TTC23: variants seen among roughly 807,000 people sequenced by gnomAD.
The protein encoded by TTC23 is tetratricopeptide repeat domain 23.
A neutral mutation model predicts 55.1 loss-of-function variants in TTC23; 58 were observed. The ratio of observed to expected loss-of-function variants is 1.05; its 90% CI spans 0.85 to 1.31. The LOEUF (loss-of-function observed/expected upper bound fraction) is 1.31, where lower values mean the gene tolerates loss of function less well. TTC23 is among the 50% of genes most tolerant of loss of function. TTC23 has a pLI of 0.00. For synonymous variants in TTC23, 203 were observed against 199.9 expected (o/e 1.02, Z -0.13); for missense variants, 516 against 534.4 (o/e 0.97, Z 0.34).
At chr15:99,201,562 A>G (rs2076202252) in intron 8 of TTC23, among the ~76,000 whole-genome samples, 1 of 152,308 alleles carries the variant, frequency 6.6e-6, no homozygotes, top group South Asian at 2.1e-4. Flanking sequence ...AAGTAAAGAT[A>G]CTTTTCGGAT....
rs114455079 is a variant in TTC23, at chr15:99,172,008, T to C, written c.865+3042A>G. ...AAGTTGTCTTCTTACCCATCTACTTTATGTTTCTCACATTTTTTTTTTTTT... is the reference window on the plus strand; with the variant it reads ...AAGTTGTCTTCTTACCCATCTACTTCATGTTTCTCACATTTTTTTTTTTTT... On this transcript the variant is annotated intron_variant, in intron 10 of 13. Coordinates refer to ENST00000394132, the MANE Select transcript of TTC23 (RefSeq NM_001288615.3). Among the ~76,000 whole-genome samples the C allele has an allele frequency of 9.7e-3, 1,477 of 152,038 alleles. 26 individuals carry two copies. Among genetic ancestry groups the C allele is most frequent in the African/African-American group, 0.035 (1,429 of 41,400 alleles).
At chr15:99,170,730 G>A (rs1434618687) in intron 10 of TTC23, among the ~76,000 whole-genome samples, 1 of 152,248 alleles carries the variant, frequency 6.6e-6, no homozygotes, top group Admixed American at 6.5e-5. Flanking sequence ...CATTCCTGCT[G>A]TGGGGGCATT....
chr15:99,250,198 G>A (rs2152112539), upstream of TTC23, among the ~76,000 whole-genome samples: 1 of 152,202 alleles, frequency 6.6e-6, no homozygotes, highest in South Asian at 2.1e-4. Context: ...AAAAATTTCT[G>A]AGTGCCACGA....
In TTC23 at chr15:99,199,963, G is replaced by T. The variant is rs752491185; in HGVS notation, c.715C>A (p.Gln239Lys). The T allele has an allele frequency of 5.6e-6, 9 of 1,613,822 alleles. No individual in the cohort carries two copies. The highest frequency in any genetic ancestry group is 6.8e-6 in the Non-Finnish European group (8 of 1,179,888). The change falls in exon 9 of 14, where the codon CAA (glutamine) becomes AAA (lysine). Residue 239 changes from glutamine (Q) to lysine (K), a missense_variant. Transcript: ENST00000394132. ...GATACATCGTGGAGTCCCAGGGCTTGCTCTACACCTGCTAATTCTCTCAAT... is the reference window on the plus strand; with the variant it reads ...GATACATCGTGGAGTCCCAGGGCTTTCTCTACACCTGCTAATTCTCTCAAT... ...PILRELAGVE[Q>K]ALGLHDVSIN...
At chr15:99,160,169 G>C (rs2071159039) in intron 11 of TTC23, 1 of 150,848 alleles carries the variant, frequency 6.6e-6, no homozygotes, top group Non-Finnish European at 1.5e-5. Context: ...TTTGGCCTGA[G>C]AAACATAGGT....
At position 99,218,650 on chromosome 15, in the gene TTC23, A is replaced by G. The variant is rs2077661689; in HGVS notation, c.519T>C (p.Cys173=). The part of the protein sequence containing the change: ...AERLSKELLQ[C]GRIIKEEWIE... ...TCCATTCTTCCTTTATAATTCTTCCACATTGTAGCAGCTCCTTTGAAAGTC... is the reference window on the plus strand; with the variant it reads ...TCCATTCTTCCTTTATAATTCTTCCGCATTGTAGCAGCTCCTTTGAAAGTC... The change falls in exon 8 of 14, where the codon TGT becomes TGC. Residue 173 remains cysteine (C), a synonymous_variant. Coordinates refer to ENST00000394132, the MANE Select transcript of TTC23 (RefSeq NM_001288615.3). 6.2e-7 allele frequency: 1 copy of G among 1,614,128 alleles called. No homozygotes were observed. The highest frequency in any genetic ancestry group is 8.5e-7 in the Non-Finnish European group (1 of 1,180,014).
intron 10 of TTC23, among the ~76,000 whole-genome samples, chr15:99,168,377 C>T (rs994510115): frequency 6.6e-6 from 1 of 152,194 alleles, no homozygotes; most frequent in Non-Finnish European, 1.5e-5. Flanking sequence ...AAGTGACCAG[C>T]CCCCCTCCAT....
intron 8 of TTC23, among the ~76,000 whole-genome samples, chr15:99,202,373 C>A (rs1363718829): frequency 6.6e-6 from 1 of 152,068 alleles, no homozygotes; most frequent in Non-Finnish European, 1.5e-5. Context: ...TCCCAGACTG[C>A]CCGTAAAAGT....
chr15:99,235,292 T>A (rs1003720361), intron 3 of TTC23, among the ~76,000 whole-genome samples: 1 of 150,780 alleles, frequency 6.6e-6, no homozygotes, highest in African/African-American at 2.4e-5. Context: ...TATATATATA[T>A]AAAATAAAAT....
At chr15:99,149,055 C>T (rs903453951) in intron 12 of TTC23, among the ~76,000 whole-genome samples, 4 of 152,194 alleles carry the variant, frequency 2.6e-5, no homozygotes, top group African/African-American at 9.7e-5. Flanking sequence ...GCAGCTGCTG[C>T]TGTGATAAAC....
rs1396211990 is a variant in TTC23, at chr15:99,249,222, A to G, written c.-482T>C. On this transcript the variant is annotated 5_prime_UTR_variant, in exon 1 of 14. Transcript: ENST00000394132. Reference sequence around the variant, plus strand: ...GCATGATGCTTTCAAACTTCACCCTAAAGAGAAAAATGCTCTCTGAACACT... The same window carrying G: ...GCATGATGCTTTCAAACTTCACCCTGAAGAGAAAAATGCTCTCTGAACACT... The G allele has an allele frequency of 6.6e-6, 1 of 152,152 alleles. No individual in the cohort carries two copies. The highest frequency in any genetic ancestry group is 2.4e-5 in the African/African-American group (1 of 41,442). 9.4% of individuals were successfully genotyped at this position (152,152 alleles called of 1,614,324 possible).
At chr15:99,214,852 C>CTTTTTTT (rs777804106) in intron 8 of TTC23, among the ~76,000 whole-genome samples, 4 of 99,880 alleles carry the variant, frequency 4.0e-5, no homozygotes, top group Admixed American at 2.4e-4. Flanking sequence ...TTCTTTTCTC[C>CTTTTTTT]TTTTTTTTTT....
Position 99,139,258 on chromosome 15 carries a change from CTTGAGATTCTGAATGGAAAGGGA to C in TTC23, c.1226+36_1226+58del, listed in dbSNP as rs567419878. 7.9e-5 allele frequency: 126 copies of C among 1,589,368 alleles called. No individual in the cohort carries two copies. In the African/African-American group the frequency reaches 1.6e-3, roughly 20 times the overall value. On this transcript the variant is annotated intron_variant, in intron 13 of 13. Coordinates refer to ENST00000394132, the MANE Select transcript of TTC23 (RefSeq NM_001288615.3). ...CAGAACCTTCTAGAACCAGCTTTCT[CTTGAGATTCTGAATGGAAAGGGA>C]ATGAGATAGAGAAAGTGTGAGGGAC...
At chr15:99,190,357 C>G (rs2075141587) in intron 9 of TTC23, among the ~76,000 whole-genome samples, 1 of 150,986 alleles carries the variant, frequency 6.6e-6, no homozygotes, top group Non-Finnish European at 1.5e-5. Context: ...ACTGCAACCT[C>G]CACCTCCTGG....
chr15:99,164,240 T>C (rs988607940), intron 10 of TTC23, among the ~76,000 whole-genome samples: 2 of 152,204 alleles, frequency 1.3e-5, no homozygotes, highest in South Asian at 2.1e-4. Context: ...ATGATCTCCA[T>C]TGTTGCTATT....
At chr15:99,185,251 C>A (rs910318809) in intron 9 of TTC23, among the ~76,000 whole-genome samples, 1 of 152,160 alleles carries the variant, frequency 6.6e-6, no homozygotes, top group African/African-American at 2.4e-5. Context: ...TGATTATTTA[C>A]AATAAATTGA....
chr15:99,175,347 G>A (rs1169256432), intron 9 of TTC23, among the ~76,000 whole-genome samples, 192 bp from the exon 10 acceptor site: 2 of 152,214 alleles, frequency 1.3e-5, no homozygotes, highest in Non-Finnish European at 2.9e-5. Context: ...AGGGAACACT[G>A]GACAATGAAT....
At chr15:99,204,633 T>TTTTTTTTTTTTTG (rs2076462916) in intron 8 of TTC23, among the ~76,000 whole-genome samples, 1 of 40,174 alleles carries the variant, frequency 2.5e-5, no homozygotes, top group Non-Finnish European at 4.7e-5. Context: ...AGATTTAAGG[T>TTTTTTTTTTTTTG]TTTTTTTTTT....
At chr15:99,154,753 T>C (rs922836246) in intron 12 of TTC23, among the ~76,000 whole-genome samples, 19 of 152,336 alleles carry the variant, frequency 1.2e-4, no homozygotes, top group Non-Finnish European at 1.9e-4. Context: ...AAATTCCACA[T>C]TTAGTTCTAA....
Sources: gnomAD v4.1 joint callset for allele counts (sites outside exome capture counted in the v4.1 genomes callset) on GRCh38, gnomAD v4.1.1 for gene constraint, MANE v1.5 for transcripts, NCBI Gene and HGNC (gene_info 2026-07-23, HGNC 2026-07-21) for gene names.